The following FRMPD4 variants were observed in gnomAD, a reference collection of about 807,000 sequenced individuals.
FRMPD4 encodes FERM and PDZ domain-containing protein 4.
In FRMPD4, 22 loss-of-function variants were observed where a neutral mutation model predicts 94.1. That is an observed-to-expected ratio of 0.23 (90% CI 0.17 to 0.33). FRMPD4 has a LOEUF of 0.33. Among genes scored for constraint, FRMPD4 ranks in the 10% least tolerant of loss-of-function variants. The pLI, the probability that FRMPD4 is intolerant of heterozygous loss-of-function variation, is 1.00. For synonymous variants in FRMPD4, 631 were observed against 548.6 expected (o/e 1.15, Z -2.10); for missense variants, 1,111 against 1,339.9 (o/e 0.83, Z 2.67).
At chrX:12,378,805 C>T (rs2056277759) in intron 1 of FRMPD4, among the ~76,000 whole-genome samples, 1 of 111,921 alleles carries the variant, frequency 8.9e-6, no homozygotes, top group African/African-American at 3.3e-5. Context: ...TTCTTGGCCC[C>T]AAGTACTCAG....
chrX:12,170,813 C>T (rs187615586), intron 1 of FRMPD4, among the ~76,000 whole-genome samples: 1 of 112,925 alleles, frequency 8.9e-6, no homozygotes, highest in East Asian at 2.8e-4. Flanking sequence ...TCATCTCTCT[C>T]CTCTTTCCTG....
Position 11,992,944 on chromosome X carries a change from A to G in FRMPD4, c.95+114926A>G, listed in dbSNP as rs1426099031. On this transcript the variant is annotated intron_variant, in intron 3 of 18. Coordinates refer to the FRMPD4 transcript ENST00000640291. ...CACAACCAACAAATACTGCATTCCAACACAATCAATGATGTAATGATGTAT... is the reference window on the plus strand; with the variant it reads ...CACAACCAACAAATACTGCATTCCAGCACAATCAATGATGTAATGATGTAT... Among the ~76,000 whole-genome samples, 4 of 108,852 alleles carry G rather than the reference A, an allele frequency of 3.7e-5. No homozygotes were observed. The Admixed American group carries it at 3.9e-4, about 11-fold the overall frequency. 94.5% of individuals were successfully genotyped at this position (108,852 alleles called of 115,157 possible).
intron 3 of FRMPD4, among the ~76,000 whole-genome samples, chrX:12,025,856 T>C (rs770798244): frequency 2.7e-5 from 3 of 111,885 alleles, no homozygotes; most frequent in Non-Finnish European, 3.8e-5. Context: ...GACACCTCAA[T>C]TGCACTCTTG....
intron 3 of FRMPD4, among the ~76,000 whole-genome samples, chrX:11,954,146 A>G (rs2054241484): frequency 8.9e-6 from 1 of 112,449 alleles, no homozygotes; most frequent in South Asian, 3.7e-4. Flanking sequence ...AGTTTGGCCA[A>G]CCTATGTGTT....
rs756562603 is a variant in FRMPD4 at position 11,863,503 on chromosome X, T to TA, written c.-160-1582dup. 2.7e-5 allele frequency among the ~76,000 whole-genome samples: 3 copies of TA among 111,430 alleles called. No individual in the cohort carries two copies. In the East Asian group the frequency reaches 8.5e-4, roughly 31 times the overall value. Reference sequence around the variant, plus strand: ...GGAACTGAAGAAGATTATGGAGGTCTACAGCACCCCCTAGGCTACCCTGGA... The same window carrying TA: ...GGAACTGAAGAAGATTATGGAGGTCTAACAGCACCCCCTAGGCTACCCTGGA... On this transcript the variant is annotated intron_variant, in intron 1 of 18. Transcript: ENST00000640291.
chrX:11,923,295 A>C (rs1301368289), intron 3 of FRMPD4, among the ~76,000 whole-genome samples: 1 of 112,245 alleles, frequency 8.9e-6, no homozygotes, highest in East Asian at 2.8e-4. Context: ...CTGCCCTTGC[A>C]CTAACACTGT....
intron 1 of FRMPD4, among the ~76,000 whole-genome samples, chrX:11,846,038 G>C (rs1471467358): frequency 9.7e-6 from 1 of 103,442 alleles, no homozygotes; most frequent in Non-Finnish European, 2.0e-5. Context: ...AGGGCAATTA[G>C]GCAGGAGAAG....
chrX:12,345,589 T>G (rs1331014112), intron 1 of FRMPD4, among the ~76,000 whole-genome samples: 1 of 111,589 alleles, frequency 9.0e-6, no homozygotes, highest in Non-Finnish European at 1.9e-5. Context: ...TGTTGCTGAT[T>G]GTTATTACCC....
intron 1 of FRMPD4, among the ~76,000 whole-genome samples, chrX:12,344,702 A>G (rs1426912128): frequency 1.8e-5 from 2 of 112,388 alleles, no homozygotes; most frequent in Non-Finnish European, 3.8e-5. Context: ...TACTTTAGTG[A>G]GATTTCATTG....
At chrX:11,927,393 A>G (rs1015327846) in intron 3 of FRMPD4, among the ~76,000 whole-genome samples, 1 of 111,979 alleles carries the variant, frequency 8.9e-6, no homozygotes, top group African/African-American at 3.2e-5. Flanking sequence ...ACTAGAAAAA[A>G]CTATTTTAAA....
At chrX:12,446,746 C>T (rs1445576543) in intron 1 of FRMPD4, among the ~76,000 whole-genome samples, 1 of 111,909 alleles carries the variant, frequency 8.9e-6, no homozygotes, top group African/African-American at 3.2e-5. Context: ...GAACTGAGTC[C>T]ATTAAACCTC....
At chrX:12,613,132 G>A (rs774514378) in intron 3 of FRMPD4, among the ~76,000 whole-genome samples, 18 of 112,338 alleles carry the variant, frequency 1.6e-4, no homozygotes, top group South Asian at 3.8e-4. Context: ...AGTCAGACCT[G>A]TGGAAATATA....
At chrX:11,849,071 G>C (rs974544666) in intron 1 of FRMPD4, among the ~76,000 whole-genome samples, 2 of 111,743 alleles carry the variant, frequency 1.8e-5, no homozygotes, top group Admixed American at 9.6e-5. Flanking sequence ...AAGATTCTAT[G>C]AGAAAGCTGG....
intron 3 of FRMPD4, among the ~76,000 whole-genome samples, chrX:11,903,099 A>G (rs981380081): frequency 3.6e-5 from 4 of 112,273 alleles, no homozygotes; most frequent in African/African-American, 1.3e-4. Flanking sequence ...GACAGCTGTC[A>G]TTCTCCGTTT....
chrX:12,137,444 C>A (rs1452781282), upstream of FRMPD4, among the ~76,000 whole-genome samples: 1 of 112,430 alleles, frequency 8.9e-6, no homozygotes, highest in African/African-American at 3.2e-5. Flanking sequence ...TAGACTGGAA[C>A]ACTGGCTGGA....
chrX:12,561,783 G>T (rs2058662380), intron 2 of FRMPD4, among the ~76,000 whole-genome samples: 1 of 112,329 alleles, frequency 8.9e-6, no homozygotes, highest in Admixed American at 9.5e-5. Flanking sequence ...TCTCCTGGTT[G>T]CAAGTGACAG....
intron 1 of FRMPD4, among the ~76,000 whole-genome samples, chrX:12,305,559 TC>T (rs2054921859): frequency 5.2e-5 from 1 of 19,200 alleles, no homozygotes; most frequent in Non-Finnish European, 9.3e-5. Context: ...CTTTCCATAA[TC>T]CTTTTTTTTT....
At position 12,197,871 on chromosome X, in the gene FRMPD4, G is replaced by A. The variant is rs1047077642; in HGVS notation, c.41+58859G>A. The stretch of plus-strand genomic sequence containing the variant: ...AAAGCCCTTCAGTTATCTGACAAAC[G>A]CTTCCAAGTATTGAATAACTTTTAT... On this transcript the variant is annotated intron_variant, in intron 1 of 16. Coordinates refer to ENST00000675598, the MANE Select transcript of FRMPD4 (RefSeq NM_001368397.1). Among the ~76,000 whole-genome samples the A allele has an allele frequency of 3.6e-5, 4 of 111,593 alleles. No individual in the cohort carries two copies. In the East Asian group the frequency reaches 8.5e-4, roughly 24 times the overall value.
At chrX:12,516,198 AT>A (rs2058094256) in intron 2 of FRMPD4, among the ~76,000 whole-genome samples, 1 of 111,702 alleles carries the variant, frequency 9.0e-6, no homozygotes, top group Non-Finnish European at 1.9e-5. Flanking sequence ...GGCCATTTAC[AT>A]TTAAGGTTAA....
Sources: allele counts gnomAD v4.1 joint callset (sites outside exome capture counted in the v4.1 genomes callset), GRCh38; gene constraint gnomAD v4.1.1; transcripts MANE v1.5; gene names NCBI Gene and HGNC (gene_info 2026-07-23, HGNC 2026-07-21).